C5: variants seen among roughly 807,000 people sequenced by gnomAD.
The protein encoded by C5 is C3 and PZP-like alpha-2-macroglobulin domain-containing protein 4.
A neutral mutation model predicts 218.8 loss-of-function variants in C5; 140 were observed. The observed-to-expected ratio is 0.64, with a 90% CI of 0.56 to 0.74. C5 has a LOEUF of 0.74. C5 is among the 30% of genes least tolerant of loss of function. The pLI is 0.00. For missense variants in C5, 1,700 were observed against 1,969.6 expected (o/e 0.86, Z 2.59); for synonymous variants, 614 against 682.3 (o/e 0.90, Z 1.56).
At chr9:121,070,599 G>A in the C5 span, among the ~76,000 whole-genome samples, 1 of 151,726 alleles carries the variant, frequency 6.6e-6, no homozygotes, top group Non-Finnish European at 1.5e-5. Flanking sequence ...ATGGAAGACA[G>A]TATATTACGT....
At position 120,972,010 on chromosome 9, in the gene C5, A is replaced by T. The variant is rs762212329; in HGVS notation, c.4018-18T>A. The T allele has an allele frequency of 3.2e-5, 40 of 1,253,776 alleles. No homozygotes were observed. In the Admixed American group the frequency reaches 6.4e-4, roughly 20 times the overall value. 77.7% of individuals were successfully genotyped at this position (1,253,776 alleles called of 1,614,324 possible). A position where few individuals can be genotyped will look rare whatever the true frequency, so the allele number is the denominator to read the frequency against. ...AGAAGCACCTGGAAAGATAATAGAG[A>T]AACAAACCATGCTTTCTTTCATCAT... On this transcript the variant is annotated intron_variant, in intron 30 of 40. Coordinates refer to ENST00000223642, the MANE Select transcript of C5 (RefSeq NM_001735.3).
intron 17 of C5, among the ~76,000 whole-genome samples, chr9:121,008,927 C>CACAA (rs60617637): frequency 0.16 from 23,797 of 150,298 alleles, 2,031 homozygotes; most frequent in African/African-American, 0.2. Flanking sequence ...GAGACTCTGT[C>CACAA]ACAAACAAAC....
At chr9:120,973,335 C>T (rs2046928643) in intron 30 of C5, among the ~76,000 whole-genome samples, 1 of 152,174 alleles carries the variant, frequency 6.6e-6, no homozygotes, top group African/African-American at 2.4e-5. Flanking sequence ...AGAGCTTAGA[C>T]TCAGAACATG....
At chr9:121,000,061 A>AG (rs952956171) in intron 20 of C5, 1 of 265,584 alleles carries the variant, frequency 3.8e-6, no homozygotes, top group Non-Finnish European at 7.4e-6. Flanking sequence ...TCTGTCTCAA[A>AG]AAAAAAAAAA....
chr9:120,970,070 C>T, intron 32 of C5, 100 bp downstream of exon 32: 1 of 827,760 alleles, frequency 1.2e-6, no homozygotes, highest in South Asian at 1.5e-5. Flanking sequence ...AGAAATTTCA[C>T]TTTTTGAGTA....
the C5 span, among the ~76,000 whole-genome samples, chr9:121,071,400 T>C: frequency 2.6e-5 from 4 of 151,222 alleles, no homozygotes; most frequent in Non-Finnish European, 4.4e-5. Context: ...TAAAAAAAAA[T>C]CAGGCTGGGC....
chr9:121,065,685 G>A, the C5 span, among the ~76,000 whole-genome samples: 1 of 152,042 alleles, frequency 6.6e-6, no homozygotes, highest in Non-Finnish European at 1.5e-5. Flanking sequence ...ACAGGATTTT[G>A]CCATGTTTTC....
intron 32 of C5, 127 bp downstream of exon 32, chr9:120,970,043 G>A (rs1419742544): frequency 1.4e-6 from 1 of 697,956 alleles, no homozygotes; most frequent in Admixed American, 2.2e-5. Flanking sequence ...ATGTCAACCT[G>A]CTAAAGTATT....
intron 29 of C5, among the ~76,000 whole-genome samples, chr9:120,975,987 G>T (rs890783018): frequency 6.6e-6 from 1 of 152,136 alleles, no homozygotes; most frequent in Non-Finnish European, 1.5e-5. Flanking sequence ...TATATCTGTG[G>T]CGGCAAATGC....
Position 121,017,429 on chromosome 9 carries a change from AC to A in C5, c.1798del (p.Val600TrpfsTer3). The A allele has an allele frequency of 6.2e-7, 1 of 1,613,982 alleles. No homozygotes were observed. The highest frequency in any genetic ancestry group is 8.5e-7 in the Non-Finnish European group (1 of 1,179,962). On this transcript the variant is annotated frameshift_variant, in exon 14 of 41. Coordinates refer to ENST00000223642, the MANE Select transcript of C5 (RefSeq NM_001735.3). LOFTEE classifies it high-confidence loss of function. ...AGCACTGTCCACTGCTGCTAATGCC[AC>A]CCAGGAATCCATTCCAGTTGCCATA... ...LNMATGMDSW[V>X]ALAAVDSAVY... is the part of the protein sequence containing the mutation.
At chr9:121,033,008 C>CTA (rs1554724843) in intron 5 of C5, among the ~76,000 whole-genome samples, 2 of 105,616 alleles carry the variant, frequency 1.9e-5, no homozygotes, top group African/African-American at 6.7e-5. Flanking sequence ...TTCAAAAAAA[C>CTA]TATGGGTGTG....
At chr9:120,963,333 C>T (rs918008717) in intron 34 of C5, among the ~76,000 whole-genome samples, 3 of 151,676 alleles carry the variant, frequency 2.0e-5, no homozygotes, top group East Asian at 1.9e-4. Flanking sequence ...GGAGAAACCT[C>T]GTCTCTACTA....
the C5 span, among the ~76,000 whole-genome samples, chr9:121,072,414 A>T: frequency 2.0e-5 from 3 of 152,272 alleles, no homozygotes; most frequent in African/African-American, 7.2e-5. Flanking sequence ...GGTACAAGAA[A>T]CCGAAACGAT....
intron 25 of C5, among the ~76,000 whole-genome samples, chr9:120,987,636 CAA>C (rs36095132): frequency 9.0e-5 from 10 of 111,006 alleles, no homozygotes; most frequent in African/African-American, 1.8e-4. Flanking sequence ...GACTCCGTCT[CAA>C]AAAAAAAAAA....
At chr9:120,953,668 A>T in intron 40 of C5, 62 bp downstream of exon 40, 1 of 1,523,262 alleles carries the variant, frequency 6.6e-7, no homozygotes, top group Non-Finnish European at 9.1e-7. Flanking sequence ...TAGTGTATTT[A>T]AGAATAAATT....
At chr9:121,017,049 G>C (rs887984906) in intron 14 of C5, among the ~76,000 whole-genome samples, 1 of 152,086 alleles carries the variant, frequency 6.6e-6, no homozygotes, top group Non-Finnish European at 1.5e-5. Context: ...TTCCTGTGCT[G>C]CTACTAGCTA....
chr9:120,971,328 A>G (rs2046911428), intron 31 of C5, among the ~76,000 whole-genome samples: 1 of 151,932 alleles, frequency 6.6e-6, no homozygotes, highest in South Asian at 2.1e-4. Flanking sequence ...ACACAGATAT[A>G]TGTATATACA....
chr9:121,037,769 A>G, intron 4 of C5, 112 bp downstream of exon 4: 1 of 564,180 alleles, frequency 1.8e-6, no homozygotes, highest in South Asian at 2.7e-5. Context: ...ATGTTCAATA[A>G]CCATTTATGG....
chr9:121,020,149 C>T lies in C5; in HGVS notation c.1333G>A (p.Glu445Lys). 6.2e-7 allele frequency: 1 copy of T among 1,614,008 alleles called. No homozygotes were observed. The highest frequency in any genetic ancestry group is 1.3e-5 in the African/African-American group (1 of 75,018). ...CGGTAACCTTCCCTGGCCTGATTTT[C>T]TTCTGGAAGATCTGGAGCATCAGTT... ...VKTDAPDLPE[E>K]NQAREGYRAI... The change falls in exon 12 of 41, where the codon GAA becomes AAA. Residue 445 changes from glutamate to lysine, a missense_variant. Physicochemically the swap from Glu to Lys is moderately conservative, Grantham distance 56. Coordinates refer to ENST00000223642, the MANE Select transcript of C5 (RefSeq NM_001735.3).
Sources: allele counts gnomAD v4.1 joint callset (sites outside exome capture counted in the v4.1 genomes callset), GRCh38; gene constraint gnomAD v4.1.1; transcripts MANE v1.5; gene names NCBI Gene and HGNC (gene_info 2026-07-23, HGNC 2026-07-21).